The following RNF150 variants were observed in gnomAD, a reference collection of about 807,000 sequenced individuals.
The protein encoded by RNF150 is ring finger protein 150.
RNF150 carries 24 observed loss-of-function variants against 39.3 expected under a neutral mutation model. That is an observed-to-expected ratio of 0.61 (90% CI 0.44 to 0.86). RNF150 has a LOEUF of 0.86. RNF150 is among the 40% of genes least tolerant of loss of function. The pLI, the probability that RNF150 is intolerant of heterozygous loss-of-function variation, is 0.00. For synonymous variants in RNF150, 255 were observed against 227.3 expected (o/e 1.12, Z -1.10); for missense variants, 502 against 587.8 (o/e 0.85, Z 1.51).
At chr4:140,955,137 G>T (rs183080062) in intron 2 of RNF150, among the ~76,000 whole-genome samples, 150 of 152,248 alleles carry the variant, frequency 9.9e-4, no homozygotes, top group African/African-American at 3.4e-3. Flanking sequence ...ACATAATAAT[G>T]ATCCTTCCAG....
chr4:141,122,765 T>G (rs1321255523), intron 1 of RNF150, among the ~76,000 whole-genome samples: 1 of 152,202 alleles, frequency 6.6e-6, no homozygotes, highest in Non-Finnish European at 1.5e-5. Context: ...TAAAAGTAAA[T>G]GTAATGAAAA....
intron 1 of RNF150, among the ~76,000 whole-genome samples, chr4:141,009,300 T>G (rs1734978547): frequency 6.6e-6 from 1 of 152,238 alleles, no homozygotes. Flanking sequence ...AGACATTCTA[T>G]GCATAAGATA....
intron 2 of RNF150, among the ~76,000 whole-genome samples, chr4:140,953,281 A>G (rs893162231): frequency 1.3e-5 from 2 of 152,230 alleles, no homozygotes; most frequent in African/African-American, 4.8e-5. Context: ...AAATGGTATA[A>G]TGGTATTCTC....
intron 1 of RNF150, among the ~76,000 whole-genome samples, chr4:141,130,506 T>C (rs1726865881): frequency 6.6e-6 from 1 of 152,208 alleles, no homozygotes; most frequent in South Asian, 2.1e-4. Context: ...GAAATCTGCT[T>C]AGTGTTTTCT....
At chr4:141,063,104 C>T (rs539531146) in intron 1 of RNF150, among the ~76,000 whole-genome samples, 8 of 152,224 alleles carry the variant, frequency 5.3e-5, no homozygotes, top group Admixed American at 2.0e-4. Flanking sequence ...ACTTTGTAGA[C>T]GATTTTGTAT....
intron 1 of RNF150, among the ~76,000 whole-genome samples, chr4:141,079,386 T>C (rs1365951888): frequency 6.6e-6 from 1 of 152,222 alleles, no homozygotes; most frequent in African/African-American, 2.4e-5. Flanking sequence ...TTGCTTTCAC[T>C]CATTTTCTTT....
chr4:141,091,651 A>T (rs1738586783), intron 1 of RNF150, among the ~76,000 whole-genome samples: 1 of 152,192 alleles, frequency 6.6e-6, no homozygotes, highest in South Asian at 2.1e-4. Context: ...TCAAGTGTTG[A>T]GCTAGAGTAG....
chr4:140,902,602 T>C (rs1730226040), intron 6 of RNF150, among the ~76,000 whole-genome samples: 1 of 152,274 alleles, frequency 6.6e-6, no homozygotes, highest in Non-Finnish European at 1.5e-5. Context: ...ATCAATTTTT[T>C]TTCAATATTT....
chr4:141,067,906 T>C (rs754296521), intron 1 of RNF150, among the ~76,000 whole-genome samples: 3 of 151,574 alleles, frequency 2.0e-5, no homozygotes, highest in South Asian at 2.1e-4. Context: ...TGAAAACAAA[T>C]CATGTATAAA....
chr4:140,963,537 T>C (rs1478246438), intron 2 of RNF150, among the ~76,000 whole-genome samples: 3 of 143,094 alleles, frequency 2.1e-5, no homozygotes, highest in African/African-American at 5.0e-5. Context: ...ACCACAGCTC[T>C]AGATCACAGA....
At chr4:141,183,352 A>G (rs1727943905) in intron 1 of RNF150, among the ~76,000 whole-genome samples, 1 of 152,130 alleles carries the variant, frequency 6.6e-6, no homozygotes, top group Non-Finnish European at 1.5e-5. Flanking sequence ...CCCCACTGGT[A>G]TATATGCCTT....
At chr4:140,999,124 T>C (rs1222096584) in intron 1 of RNF150, among the ~76,000 whole-genome samples, 2 of 152,154 alleles carry the variant, frequency 1.3e-5, no homozygotes, top group African/African-American at 2.4e-5. Flanking sequence ...AAAATCCACA[T>C]TTTAGAAACC....
chr4:141,074,313 A>G (rs2321859), intron 1 of RNF150, among the ~76,000 whole-genome samples: 117,333 of 149,968 alleles, frequency 0.78, 46,809 homozygotes, highest in Non-Finnish European at 0.87. Flanking sequence ...CAGGACAGAT[A>G]TGCCTGGCCA....
chr4:140,955,305 C>T (rs1303993395), intron 2 of RNF150, among the ~76,000 whole-genome samples: 1 of 152,146 alleles, frequency 6.6e-6, no homozygotes, highest in East Asian at 1.9e-4. Context: ...TGTTTGTGAG[C>T]ACACAATGTG....
At chr4:141,074,346 C>G (rs1293736192) in intron 1 of RNF150, among the ~76,000 whole-genome samples, 1 of 150,866 alleles carries the variant, frequency 6.6e-6, no homozygotes, top group Non-Finnish European at 1.5e-5. Flanking sequence ...GAATTCTGAC[C>G]ACAGTCAGAA....
rs150984693 is a variant in RNF150, at chr4:141,062,134, AAAAC to A, written c.484+70187_484+70190del. Among the ~76,000 whole-genome samples, 1,248 of 152,264 alleles carry A rather than the reference AAAAC, an allele frequency of 8.2e-3. 16 individuals are homozygous for A. Among genetic ancestry groups the A allele is most frequent in the African/African-American group, 0.027 (1,135 of 41,572 alleles). On this transcript the variant is annotated intron_variant, in intron 1 of 6. Transcript: ENST00000515673. Reference sequence around the variant, plus strand: ...GCAGAGAAATAACCTTATTAAAACTAAAACAAGGAAATTATATCCATTATGCTCA... The same window carrying A: ...GCAGAGAAATAACCTTATTAAAACTAAAGGAAATTATATCCATTATGCTCA...
intron 1 of RNF150, among the ~76,000 whole-genome samples, chr4:140,985,404 T>A (rs1026879132): frequency 6.6e-6 from 1 of 152,168 alleles, no homozygotes; most frequent in African/African-American, 2.4e-5. Flanking sequence ...CTTCCACCTC[T>A]GACCTTATGA....
chr4:140,870,210 C>A (rs578199030), intron 6 of RNF150, among the ~76,000 whole-genome samples: 1 of 152,228 alleles, frequency 6.6e-6, no homozygotes, highest in African/African-American at 2.4e-5. Flanking sequence ...TAGCTCTTAT[C>A]CGTTTCCTAG....
chr4:141,201,830 C>A (rs1728297458), intron 1 of RNF150, among the ~76,000 whole-genome samples: 1 of 152,126 alleles, frequency 6.6e-6, no homozygotes, highest in African/African-American at 2.4e-5. Flanking sequence ...GTGCTATGGT[C>A]TGAATGTTGG....
Sources: allele counts gnomAD v4.1 joint callset (sites outside exome capture counted in the v4.1 genomes callset), GRCh38; gene constraint gnomAD v4.1.1; transcripts MANE v1.5; gene names NCBI Gene and HGNC (gene_info 2026-07-23, HGNC 2026-07-21).